Variants in DISP1 observed in about 807,000 individuals in gnomAD.
DISP1 encodes dispatched RND transporter family member 1, also known as protein dispatched homolog 1.
Under a neutral mutation model 37.3 loss-of-function variants are expected in DISP1, and 30 were observed. The observed-to-expected ratio is 0.80, with a 90% confidence interval of 0.60 to 1.09. The LOEUF (loss-of-function observed/expected upper bound fraction) is 1.09, where lower values mean the gene tolerates loss of function less well. DISP1 is among the 50% of genes least tolerant of loss of function. The pLI is 0.00. For missense variants in DISP1, 1,598 were observed against 1,879.5 expected, an observed-to-expected ratio of 0.85 and a Z score of 2.77; for synonymous variants, 634 against 690.2, an observed-to-expected ratio of 0.92 and a Z score of 1.28.
chr1:222,893,834 C>T lies in DISP1; in HGVS notation c.-158-34596C>T, dbSNP rs1288415803. Among the ~76,000 whole-genome samples the T allele has an allele frequency of 6.6e-6, 1 of 152,202 alleles. No homozygotes were observed. Among genetic ancestry groups the T allele is most frequent in the Non-Finnish European group, 1.5e-5 (1 of 68,028 alleles). On this transcript the variant is annotated intron_variant, in intron 1 of 8. Coordinates refer to ENST00000675850, the MANE Select transcript of DISP1 (RefSeq NM_001377229.1). The surrounding 1 kb of genome is among the most constrained non-coding windows in gnomAD (Gnocchi z 4.3). ...GCGTGTTTCAGCCCTGTTTGTGTTA[C>T]AGCTCTTTCAGCCCTGCCATTCAGC... is the stretch of plus-strand genomic sequence containing the variant.
chr1:222,959,516 C>G (rs1204058043), intron 3 of DISP1, among the ~76,000 whole-genome samples: 2 of 151,872 alleles, frequency 1.3e-5, no homozygotes, highest in Non-Finnish European at 2.9e-5. Flanking sequence ...GCCTGACCAA[C>G]ATGGAGAAAC....
In DISP1 at chr1:222,885,869, T is replaced by TAC. The variant is rs759925144; in HGVS notation, c.-158-42545_-158-42544dup. ...AGTTCCTCCATGTCTATCATGGGGA[T>TAC]ACACACACACACACACAGACACACA... is the stretch of plus-strand genomic sequence containing the variant. On this transcript the variant is annotated intron_variant, in intron 1 of 8. Coordinates refer to ENST00000675850, the MANE Select transcript of DISP1 (RefSeq NM_001377229.1). Among the ~76,000 whole-genome samples, 268 of 149,202 alleles carry TAC rather than the reference T, an allele frequency of 1.8e-3. 2 individuals carry two copies. Among genetic ancestry groups the TAC allele is most frequent in the African/African-American group, 4.8e-3 (197 of 40,788 alleles).
intron 3 of DISP1, among the ~76,000 whole-genome samples, chr1:222,953,498 G>C (rs756948050): frequency 1.1e-4 from 16 of 152,100 alleles, no homozygotes; most frequent in Non-Finnish European, 2.2e-4. Context: ...TTCCGGAGGA[G>C]GAAAAGGGTT....
intron 1 of DISP1, among the ~76,000 whole-genome samples, chr1:222,866,353 G>C (rs1669193684): frequency 6.6e-6 from 1 of 151,616 alleles, no homozygotes. Flanking sequence ...TGTTGTTGTT[G>C]CTGTTGTTTG....
Position 223,002,490 on chromosome 1 carries a change from TCG to T in DISP1, c.1094_1095del (p.Ser365PhefsTer7). The stretch of plus-strand genomic sequence containing the variant: ...CTACATCGCCATTCTGAACAATAGA[TCG>T]TCCTGTCAGAAAATAGTTGAGCGAG... ...GNYIAILNNR[S>X]SCQKIVERDV... On this transcript the variant is annotated frameshift_variant, in exon 9 of 9. Transcript: ENST00000675850. LOFTEE classifies it low-confidence loss of function (END_TRUNC). The T allele has an allele frequency of 6.2e-7, 1 of 1,614,158 alleles. No homozygotes were observed. Among genetic ancestry groups the T allele is most frequent in the Non-Finnish European group, 8.5e-7 (1 of 1,180,036 alleles).
chr1:222,936,959 T>TG, intron 2 of DISP1, among the ~76,000 whole-genome samples: 1 of 95,416 alleles, frequency 1.0e-5, no homozygotes, highest in South Asian at 2.8e-4. Context: ...ACATATTATA[T>TG]TATTTATAAA....
intron 1 of DISP1, among the ~76,000 whole-genome samples, chr1:222,912,981 A>G (rs1672289851): frequency 6.6e-6 from 1 of 152,218 alleles, no homozygotes; most frequent in Non-Finnish European, 1.5e-5. Flanking sequence ...GACAATTTGT[A>G]CTCTCAACCT....
intron 1 of DISP1, among the ~76,000 whole-genome samples, chr1:222,831,932 T>C (rs1323585341): frequency 6.6e-6 from 1 of 152,148 alleles, no homozygotes; most frequent in Non-Finnish European, 1.5e-5. Flanking sequence ...TGGTAAACAA[T>C]TGAGTATCAG....
chr1:222,982,369 T>C (rs1429337840), intron 3 of DISP1, among the ~76,000 whole-genome samples: 1 of 152,230 alleles, frequency 6.6e-6, no homozygotes, highest in Non-Finnish European at 1.5e-5. Context: ...CTTTTGTTTG[T>C]TCAACAAATA....
At chr1:222,946,333 G>A (rs966271904) in intron 3 of DISP1, among the ~76,000 whole-genome samples, 2 of 143,632 alleles carry the variant, frequency 1.4e-5, no homozygotes, top group African/African-American at 5.2e-5. Context: ...GCAGTGAGCT[G>A]AGATCACGCC....
chr1:222,847,611 T>C (rs1320664362), intron 1 of DISP1, among the ~76,000 whole-genome samples: 8 of 152,210 alleles, frequency 5.3e-5, no homozygotes, highest in Non-Finnish European at 8.8e-5. Flanking sequence ...TATTTTTTTT[T>C]CTGGCCTTTT....
intron 2 of DISP1, among the ~76,000 whole-genome samples, chr1:222,941,396 T>C (rs1221355400): frequency 1.3e-5 from 2 of 152,228 alleles, no homozygotes; most frequent in Non-Finnish European, 2.9e-5. Context: ...TTTTCAAAAG[T>C]GATGTAAGAC....
chr1:222,896,254 GC>G (rs1671250976), intron 1 of DISP1, among the ~76,000 whole-genome samples: 1 of 151,852 alleles, frequency 6.6e-6, no homozygotes, highest in Admixed American at 6.5e-5. Flanking sequence ...GCTGCAGTGA[GC>G]CATGATCCTG....
At chr1:222,906,188 T>G (rs1027848645) in intron 1 of DISP1, among the ~76,000 whole-genome samples, 1 of 152,218 alleles carries the variant, frequency 6.6e-6, no homozygotes, top group African/African-American at 2.4e-5. Context: ...GGCATCTTTA[T>G]TAGACCCTTA....
At chr1:222,929,475 ATACT>A (rs1017822886) in intron 2 of DISP1, among the ~76,000 whole-genome samples, 1 of 152,172 alleles carries the variant, frequency 6.6e-6, no homozygotes, top group Non-Finnish European at 1.5e-5. Context: ...AATAGAAAAC[ATACT>A]TTACAATTTG....
chr1:222,836,558 G>T (rs920373552), intron 1 of DISP1, among the ~76,000 whole-genome samples: 12 of 151,834 alleles, frequency 7.9e-5, no homozygotes, highest in Admixed American at 7.9e-4. Flanking sequence ...AACTGGCTGT[G>T]GGACCTTAAA....
Position 222,943,186 on chromosome 1 carries a change from C to A in DISP1, c.363C>A (p.Ser121=), listed in dbSNP as rs528918517. The change falls in exon 3 of 9, where the codon TCC becomes TCA. Residue 121 remains serine (S), a synonymous_variant. Coordinates refer to ENST00000675850, the MANE Select transcript of DISP1 (RefSeq NM_001377229.1). ...CCTCGTGTTGCATGCAGCCACACTC[C>A]GAGTATTCTGCATCTCTTTGTCCAA... The part of the protein sequence containing the change: ...ALASCCMQPH[S]EYSASLCPNH... 6.2e-7 allele frequency: 1 copy of A among 1,610,474 alleles called. No individual in the cohort carries two copies. The highest frequency in any genetic ancestry group is 1.1e-5 in the South Asian group (1 of 90,966).
chr1:222,883,174 A>G (rs1463535993), intron 1 of DISP1, among the ~76,000 whole-genome samples: 1 of 152,202 alleles, frequency 6.6e-6, no homozygotes, highest in African/African-American at 2.4e-5. Context: ...AAGTATCATA[A>G]AAGTGTTCAT....
intron 1 of DISP1, among the ~76,000 whole-genome samples, chr1:222,846,727 A>G (rs78266747): frequency 5.9e-4 from 90 of 152,380 alleles, no homozygotes; most frequent in African/African-American, 2.1e-3. Context: ...GGGAAGTTTT[A>G]TGATTCTCCA....
Sources: gnomAD v4.1 joint callset for allele counts (sites outside exome capture counted in the v4.1 genomes callset) on GRCh38, gnomAD v4.1.1 for gene constraint, Gnocchi (gnomAD v3.1) non-coding constraint, MANE v1.5 for transcripts, NCBI Gene and HGNC (gene_info 2026-07-23, HGNC 2026-07-21) for gene names.